ITIH2: variants seen among roughly 807,000 people sequenced by gnomAD.
ITIH2 encodes the protein inter-alpha-trypsin inhibitor heavy chain 2.
Under a neutral mutation model 104.4 loss-of-function variants are expected in ITIH2, and 103 were observed. The observed-to-expected ratio is 0.99, with a 90% CI of 0.84 to 1.16. ITIH2 has a LOEUF of 1.16. Among genes scored for constraint, ITIH2 ranks in the 50% most tolerant of loss-of-function variants. ITIH2 has a pLI of 0.00. For synonymous variants in ITIH2, 436 were observed against 435.4 expected, an observed-to-expected ratio of 1.00 and a Z score of -0.02; for missense variants, 1,108 against 1,162.4, an observed-to-expected ratio of 0.95 and a Z score of 0.68.
chr10:7,705,952 C>G (rs1028199544), intron 2 of ITIH2, among the ~76,000 whole-genome samples: 44 of 152,098 alleles, frequency 2.9e-4, no homozygotes, highest in African/African-American at 1.0e-3. Flanking sequence ...AGACAAAACC[C>G]TCTAATTAAG....
At position 7,714,220 on chromosome 10, in the gene ITIH2, G is replaced by GGAGT. The variant is rs538403438; in HGVS notation, c.467+937_467+940dup. On this transcript the variant is annotated intron_variant, in intron 5 of 20. Coordinates refer to ENST00000358415, the MANE Select transcript of ITIH2 (RefSeq NM_002216.3). ...GGAATCTCGCTCTGTCGCCCAGGCT[G>GGAGT]GAGTGCAGTGGTGCGATCTCGGCTC... 1.5e-3 allele frequency among the ~76,000 whole-genome samples: 197 copies of GGAGT among 134,868 alleles called. 1 individual carries two copies. The highest frequency in any genetic ancestry group is 5.4e-3 in the African/African-American group (191 of 35,182). 88.5% of individuals were successfully genotyped at this position (134,868 alleles called of 152,430 possible). A position where few individuals can be genotyped will look rare whatever the true frequency, so the allele number is the denominator to read the frequency against.
At chr10:7,736,217 A>T (rs1298436552) in intron 15 of ITIH2, among the ~76,000 whole-genome samples, 2 of 151,970 alleles carry the variant, frequency 1.3e-5, no homozygotes, top group Non-Finnish European at 2.9e-5. Flanking sequence ...AAATACTAAA[A>T]TTAGCCAGCC....
rs752018154 is a variant in ITIH2 at position 7,743,222 on chromosome 10, T to C, written c.2172T>C (p.Pro724=). ...TTTGTTTCAATATTGACTCAGAACC[T>C]GGAAAAATCCTCAACCTGGTTTCTG... ...KNICFNIDSE[P]GKILNLVSDP... is the part of the protein sequence containing the mutation. Residue 724 remains proline (P), a synonymous_variant, in exon 17 of 21, where the codon CCT becomes CCC. Coordinates refer to ENST00000358415, the MANE Select transcript of ITIH2 (RefSeq NM_002216.3). 30 of 1,593,724 alleles carry C rather than the reference T, an allele frequency of 1.9e-5. 1 individual carries two copies. The East Asian group carries it at 6.3e-4, about 34-fold the overall frequency.
Position 7,714,165 on chromosome 10 carries a change from A to ATTTTTTTTTTT in ITIH2, c.467+894_467+904dup, listed in dbSNP as rs996413668. Reference sequence around the variant, plus strand: ...TCACTCCTTGCACTGCACACTCACTATTTTTTTTTTTTTTTTTTTTTTTTG... The same window carrying ATTTTTTTTTTT: ...TCACTCCTTGCACTGCACACTCACTATTTTTTTTTTTTTTTTTTTTTTTTTTTTTTTTTTTG... On this transcript the variant is annotated intron_variant, in intron 5 of 20. Coordinates refer to ENST00000358415, the MANE Select transcript of ITIH2 (RefSeq NM_002216.3). 2.6e-4 allele frequency among the ~76,000 whole-genome samples: 22 copies of ATTTTTTTTTTT among 84,028 alleles called. 3 individuals are homozygous for ATTTTTTTTTTT. The highest frequency in any genetic ancestry group is 9.2e-4 in the African/African-American group (18 of 19,626). 55.1% of individuals were successfully genotyped at this position (84,028 alleles called of 152,430 possible).
At position 7,735,483 on chromosome 10, in the gene ITIH2, C is replaced by G. The variant is rs73628424; in HGVS notation, c.1957+392C>G. On this transcript the variant is annotated intron_variant, in intron 15 of 20. Transcript: ENST00000358415. ...GGAAAGCTGAGGCAGGAGGATCTCT[C>G]GAGCCCAGGAGGACCACTGCACTCC... 1.9e-3 allele frequency among the ~76,000 whole-genome samples: 285 copies of G among 152,030 alleles called. 3 individuals carry two copies. Among genetic ancestry groups the G allele is most frequent in the African/African-American group, 6.7e-3 (276 of 41,472 alleles).
chr10:7,742,788 C>A (rs2130965259), intron 16 of ITIH2, among the ~76,000 whole-genome samples: 1 of 152,324 alleles, frequency 6.6e-6, no homozygotes, highest in South Asian at 2.1e-4. Flanking sequence ...CATATTCACA[C>A]ACGTGTATGT....
chr10:7,720,789 T>C (rs995753009), intron 6 of ITIH2, 67 bp from the exon 7 acceptor site: 1 of 999,932 alleles, frequency 1.0e-6, no homozygotes, highest in African/African-American at 1.6e-5. Context: ...ATTTGTAATT[T>C]TACTTCTTGC....
At chr10:7,725,752 T>A (rs962311419) in intron 9 of ITIH2, among the ~76,000 whole-genome samples, 1 of 152,110 alleles carries the variant, frequency 6.6e-6, no homozygotes, top group Non-Finnish European at 1.5e-5. Flanking sequence ...TGTTCAAAAG[T>A]GAGATGTGGA....
chr10:7,703,325 T>G lies in ITIH2; in HGVS notation c.-110T>G. 1 of 711,048 alleles carries G rather than the reference T, an allele frequency of 1.4e-6. No individual in the cohort carries two copies. Among genetic ancestry groups the G allele is most frequent in the Non-Finnish European group, 2.5e-6 (1 of 398,740 alleles). The allele number at this position is 711,048 out of a possible 1,614,324, so 44.0% of individuals were successfully genotyped here. On this transcript the variant is annotated 5_prime_UTR_variant, in exon 1 of 21. Coordinates refer to ENST00000358415, the MANE Select transcript of ITIH2 (RefSeq NM_002216.3). ...TTTTTTCTTCTTTTTTCTTCTTTCT[T>G]AAAGCGAACTGTACTCCTCTGCTGT...
chr10:7,746,050 G>C (rs1338563584), intron 19 of ITIH2, among the ~76,000 whole-genome samples: 4 of 106,802 alleles, frequency 3.7e-5, no homozygotes, highest in Non-Finnish European at 5.2e-5. Context: ...CACCACACCC[G>C]GCCCCAAATC....
chr10:7,746,862 A>G (rs918891868), intron 20 of ITIH2, among the ~76,000 whole-genome samples, 158 bp downstream of exon 20: 1 of 152,204 alleles, frequency 6.6e-6, no homozygotes, highest in African/African-American at 2.4e-5. Flanking sequence ...GCATAAGGAC[A>G]CTTCTGATAT....
rs17142943 is a variant in ITIH2 at position 7,714,571 on chromosome 10, T to C, written c.467+1286T>C. Among the ~76,000 whole-genome samples the C allele has an allele frequency of 5.3e-3, 801 of 152,282 alleles. 2 individuals are homozygous for C. The highest frequency in any genetic ancestry group is 0.018 in the African/African-American group (758 of 41,554). On this transcript the variant is annotated intron_variant, in intron 5 of 20. Coordinates refer to ENST00000358415, the MANE Select transcript of ITIH2 (RefSeq NM_002216.3). ...TGTAGTTGAAGTTCTTTTCCTTTCA[T>C]TCATGCATTTGTTCATTCAACAAAA...
chr10:7,711,163 C>G (rs184423232), intron 4 of ITIH2, among the ~76,000 whole-genome samples: 46 of 152,266 alleles, frequency 3.0e-4, no homozygotes, highest in South Asian at 6.2e-4. Flanking sequence ...TTGTTCAACT[C>G]CCACTTATGA....
chr10:7,712,935 A>G (rs1408591140), intron 4 of ITIH2, among the ~76,000 whole-genome samples: 2 of 152,110 alleles, frequency 1.3e-5, no homozygotes, highest in African/African-American at 4.8e-5. Flanking sequence ...CCTGGCCAAC[A>G]TGGCGAAACC....
Position 7,744,813 on chromosome 10 carries a change from G to C in ITIH2, c.2431G>C (p.Glu811Gln). The C allele has an allele frequency of 1.9e-6, 3 of 1,613,852 alleles. No individual in the cohort carries two copies. The highest frequency in any genetic ancestry group is 2.5e-6 in the Non-Finnish European group (3 of 1,179,906). The change falls in exon 19 of 21, where the codon GAA becomes CAA. Residue 811 changes from glutamate to glutamine, a missense_variant. Physicochemically the swap from Glu to Gln is conservative, Grantham distance 29 (BLOSUM62 2). Coordinates refer to ENST00000358415, the MANE Select transcript of ITIH2 (RefSeq NM_002216.3). ...CAGGGTGCAGATCTCAGTGAAGAAAGAAAAAGTGGTAACTATCACCCTGGA... is the reference window on the plus strand; with the variant it reads ...CAGGGTGCAGATCTCAGTGAAGAAACAAAAAGTGGTAACTATCACCCTGGA... ...NQRVQISVKK[E>Q]KVVTITLDKE...
intron 16 of ITIH2, among the ~76,000 whole-genome samples, chr10:7,742,828 G>T (rs974170439): frequency 5.3e-5 from 8 of 152,040 alleles, no homozygotes; most frequent in African/African-American, 1.9e-4. Context: ...GTGCATATTT[G>T]TGTGTATTTC....
chr10:7,739,474 G>T (rs1835104681), intron 16 of ITIH2, among the ~76,000 whole-genome samples: 1 of 152,186 alleles, frequency 6.6e-6, no homozygotes, highest in African/African-American at 2.4e-5. Flanking sequence ...TTTCTTGACT[G>T]CCTGGAATAC....
Position 7,744,925 on chromosome 10 carries a change from C to T in ITIH2, c.2543C>T (p.Pro848Leu), listed in dbSNP as rs939410418. ...GACTTTCTGGGAATCTACATACCCCCTACAAACAAGTTCTCACCTAAAGCC... is the reference window on the plus strand; with the variant it reads ...GACTTTCTGGGAATCTACATACCCCTTACAAACAAGTTCTCACCTAAAGCC... Reference protein sequence around the residue: ...NVDFLGIYIPPTNKFSPKAHG... With the variant: ...NVDFLGIYIPLTNKFSPKAHG... Residue 848 changes from proline (P) to leucine (L), a missense_variant, in exon 19 of 21, where the codon CCT (proline) becomes CTT (leucine). Coordinates refer to ENST00000358415, the MANE Select transcript of ITIH2 (RefSeq NM_002216.3). 1.9e-6 allele frequency: 3 copies of T among 1,613,992 alleles called. No individual in the cohort carries two copies. The highest frequency in any genetic ancestry group is 2.7e-5 in the African/African-American group (2 of 74,898).
At chr10:7,734,678 G>C (rs1835035319) in intron 14 of ITIH2, among the ~76,000 whole-genome samples, 1 of 152,154 alleles carries the variant, frequency 6.6e-6, no homozygotes, top group African/African-American at 2.4e-5. Context: ...CTGGGCAACA[G>C]GGCGAGACCT....
Sources: allele counts gnomAD v4.1 joint callset (sites outside exome capture counted in the v4.1 genomes callset), GRCh38; gene constraint gnomAD v4.1.1; transcripts MANE v1.5; gene names NCBI Gene and HGNC (gene_info 2026-07-23, HGNC 2026-07-21).